FXN: variants seen among roughly 807,000 people sequenced by gnomAD.
The protein encoded by FXN is frataxin, mitochondrial.
Under a neutral mutation model 22.4 loss-of-function variants are expected in FXN, and 14 were observed. That is an observed-to-expected ratio of 0.62 (90% confidence interval 0.41 to 0.98). The LOEUF (loss-of-function observed/expected upper bound fraction) is 0.98. FXN is among the 50% of genes least tolerant of loss of function. The pLI is 0.00. For missense variants in FXN, 267 were observed against 268.4 expected (o/e 0.99, Z 0.04); for synonymous variants, 120 against 114.1 (o/e 1.05, Z -0.33).
chr9:69,036,041 TC>T, intron 1 of FXN, 94 bp downstream of exon 1: 1 of 1,113,840 alleles, frequency 9.0e-7, no homozygotes. Context: ...CCGGGGTCGC[TC>T]CGGGTACGCG....
chr9:69,078,849 G>A lies in FXN; in HGVS notation c.*6087G>A. The stretch of plus-strand genomic sequence containing the variant: ...GCCTGGATGCCCTTGATTGTTCCAT[G>A]TCCTCAGCATACCATGTTTGTCTTT... On this transcript the variant is annotated 3_prime_UTR_variant, in exon 5 of 5. Coordinates refer to ENST00000484259, the MANE Select transcript of FXN (RefSeq NM_000144.5). 2.0e-6 allele frequency: 2 copies of A among 985,830 alleles called. No homozygotes were observed. Among genetic ancestry groups the A allele is most frequent in the African/African-American group, 1.7e-5 (1 of 57,332 alleles). The allele number at this position is 985,830 out of a possible 1,614,324, so 61.1% of individuals were successfully genotyped here.
intron 1 of FXN, among the ~76,000 whole-genome samples, chr9:69,044,514 C>T (rs1831712204): frequency 6.6e-6 from 1 of 152,150 alleles, no homozygotes; most frequent in Admixed American, 6.6e-5. Context: ...GGCTCAAGAG[C>T]AGTAACTAAC....
At chr9:69,072,254 G>T (rs186006836) in intron 4 of FXN, among the ~76,000 whole-genome samples, 1 of 152,236 alleles carries the variant, frequency 6.6e-6, no homozygotes, top group Admixed American at 6.5e-5. Context: ...TATAGGTAAG[G>T]CACAAGTTAC....
At chr9:69,052,565 CAG>C (rs1350867388) in intron 2 of FXN, among the ~76,000 whole-genome samples, 1 of 112,192 alleles carries the variant, frequency 8.9e-6, no homozygotes, top group African/African-American at 3.5e-5. Flanking sequence ...TTTTTTGAGA[CAG>C]AGTCTCGCTC....
chr9:69,035,971 C>T (rs1465083236), intron 1 of FXN, 24 bp downstream of exon 1: 3 of 1,420,390 alleles, frequency 2.1e-6, no homozygotes, highest in Non-Finnish European at 2.7e-6. Context: ...CCGGGAACAG[C>T]CGCGGGCCGC....
chr9:69,044,220 C>G (rs563437667), intron 1 of FXN, among the ~76,000 whole-genome samples: 1 of 152,276 alleles, frequency 6.6e-6, no homozygotes, highest in South Asian at 2.1e-4. Flanking sequence ...AGAATAAGGA[C>G]TGTAATAAGA....
chr9:69,073,769 G>C lies in FXN; in HGVS notation c.*1007G>C. Reference sequence around the variant, plus strand: ...GTGGTCCTGTCAAGCAACCTAACAGGCTAGTTCTAATTCCCTATTGGGTAG... The same window carrying C: ...GTGGTCCTGTCAAGCAACCTAACAGCCTAGTTCTAATTCCCTATTGGGTAG... On this transcript the variant is annotated 3_prime_UTR_variant, in exon 5 of 5. Transcript: ENST00000484259. The C allele has an allele frequency of 1.0e-6, 1 of 985,410 alleles. No homozygotes were observed. Among genetic ancestry groups the C allele is most frequent in the Non-Finnish European group, 1.2e-6 (1 of 829,940 alleles). The allele number at this position is 985,410 out of a possible 1,614,324, so 61.0% of individuals were successfully genotyped here.
chr9:69,060,470 C>A (rs1199996938), intron 3 of FXN, among the ~76,000 whole-genome samples: 1 of 152,092 alleles, frequency 6.6e-6, no homozygotes, highest in Admixed American at 6.6e-5. Flanking sequence ...ATTCCCCCTG[C>A]ACTTAAGGGC....
chr9:69,076,764 A>G lies in FXN; in HGVS notation c.*4002A>G, dbSNP rs1246134794. On this transcript the variant is annotated 3_prime_UTR_variant, in exon 5 of 5. Transcript: ENST00000484259. ...GTAATTTTAGTCCGTGTCCAGTTGG[A>G]TTCTTGGCACATAGTTATCTTCTGC... The G allele has an allele frequency of 1.0e-6, 1 of 985,322 alleles. No homozygotes were observed. Among genetic ancestry groups the G allele is most frequent in the Non-Finnish European group, 1.2e-6 (1 of 829,940 alleles). The allele number at this position is 985,322 out of a possible 1,614,324, so 61.0% of individuals were successfully genotyped here.
rs1197280817 is a variant in FXN at position 69,055,537 on chromosome 9, A to C, written c.384+2277A>C. On this transcript the variant is annotated intron_variant, in intron 3 of 4. Transcript: ENST00000484259. ...GAGTTGAAGCCTAGCTCTGTCACCC[A>C]GGCTGGAGTGCAGTTGTGTGATCTC... 3.4e-5 allele frequency among the ~76,000 whole-genome samples: 5 copies of C among 147,348 alleles called. No individual in the cohort carries two copies. The Admixed American group carries it at 3.4e-4, about 10-fold the overall frequency.
chr9:69,064,557 A>AT (rs929659036), intron 3 of FXN, among the ~76,000 whole-genome samples: 1 of 151,890 alleles, frequency 6.6e-6, no homozygotes, highest in African/African-American at 2.4e-5. Context: ...TAGAGTCTGC[A>AT]TTTTTTTTAT....
At chr9:69,040,384 C>T (rs377625209) in intron 1 of FXN, among the ~76,000 whole-genome samples, 18 of 152,278 alleles carry the variant, frequency 1.2e-4, no homozygotes, top group African/African-American at 3.1e-4. Context: ...AATATTTATA[C>T]GCTGCCGGGC....
At position 69,078,988 on chromosome 9, in the gene FXN, C is replaced by A; in HGVS notation, c.*6226C>A. On this transcript the variant is annotated 3_prime_UTR_variant, in exon 5 of 5. Coordinates refer to ENST00000484259, the MANE Select transcript of FXN (RefSeq NM_000144.5). ...CCCTAGCATCTTGCACAGTTCCTTG[C>A]ACACAATTAGAGCTCTATAAATGTC... is the stretch of plus-strand genomic sequence containing the variant. The A allele has an allele frequency of 2.3e-6, 2 of 874,620 alleles. No homozygotes were observed. Among genetic ancestry groups the A allele is most frequent in the Non-Finnish European group, 2.7e-6 (2 of 729,140 alleles). 54.2% of individuals were successfully genotyped at this position (874,620 alleles called of 1,614,324 possible). A position where few individuals can be genotyped will look rare whatever the true frequency, so the allele number is the denominator to read the frequency against.
intron 3 of FXN, among the ~76,000 whole-genome samples, chr9:69,060,923 G>A (rs1832060488): frequency 6.6e-6 from 1 of 152,196 alleles, no homozygotes; most frequent in Non-Finnish European, 1.5e-5. Flanking sequence ...GAGGTCAGGG[G>A]ACAAGCAAGC....
intron 4 of FXN, among the ~76,000 whole-genome samples, chr9:69,065,915 G>C (rs1413786156): frequency 7.2e-5 from 11 of 152,198 alleles, no homozygotes; most frequent in Non-Finnish European, 1.6e-4. Flanking sequence ...GGTTGGGGTT[G>C]TGTACCCTGT....
At chr9:69,067,731 T>C (rs189578579) in intron 4 of FXN, among the ~76,000 whole-genome samples, 3 of 152,336 alleles carry the variant, frequency 2.0e-5, no homozygotes, top group Admixed American at 1.3e-4. Context: ...ACCACCCTCA[T>C]AGCCAGATCT....
Position 69,074,346 on chromosome 9 carries a change from C to A in FXN, c.*1584C>A. ...ATTAAAATTCATGCAAAGTTATGCT[C>A]ATGTTATATTATTTTCTTACTTAAA... On this transcript the variant is annotated 3_prime_UTR_variant, in exon 5 of 5. Coordinates refer to ENST00000484259, the MANE Select transcript of FXN (RefSeq NM_000144.5). 1.0e-6 allele frequency: 1 copy of A among 985,170 alleles called. No homozygotes were observed. Among genetic ancestry groups the A allele is most frequent in the Non-Finnish European group, 1.2e-6 (1 of 829,886 alleles). The allele number at this position is 985,170 out of a possible 1,614,324, so 61.0% of individuals were successfully genotyped here. A position where few individuals can be genotyped will look rare whatever the true frequency, so the allele number is the denominator to read the frequency against.
At chr9:69,038,004 G>C (rs1187250408) in intron 1 of FXN, among the ~76,000 whole-genome samples, 3 of 152,204 alleles carry the variant, frequency 2.0e-5, no homozygotes, top group African/African-American at 7.2e-5. Context: ...CAGTTTTTTA[G>C]ATGGTACCTG....
intron 1 of FXN, among the ~76,000 whole-genome samples, chr9:69,040,655 G>A (rs1047421400): frequency 2.0e-5 from 3 of 152,014 alleles, no homozygotes; most frequent in Admixed American, 6.6e-5. Context: ...GTGACAGAGC[G>A]AGACTGCATC....
Sources: gnomAD v4.1 joint callset for allele counts (sites outside exome capture counted in the v4.1 genomes callset) on GRCh38, gnomAD v4.1.1 for gene constraint, MANE v1.5 for transcripts, NCBI Gene and HGNC (gene_info 2026-07-23, HGNC 2026-07-21) for gene names.